Variants in PPARGC1A observed in about 807,000 individuals in gnomAD.
The protein encoded by PPARGC1A is peroxisome proliferator-activated receptor gamma coactivator 1-alpha.
PPARGC1A carries 25 observed loss-of-function variants against 88.7 expected under a neutral mutation model. The observed-to-expected ratio is 0.28, with a 90% CI of 0.21 to 0.39. The LOEUF (loss-of-function observed/expected upper bound fraction) is 0.39, where lower values mean the gene tolerates loss of function less well. PPARGC1A is among the 10% of genes least tolerant of loss of function. The probability of loss-of-function intolerance (pLI) is 1.00; values close to 1 mark genes in which losing one functional copy is unlikely to be tolerated. For missense variants in PPARGC1A, 880 were observed against 968.7 expected (o/e 0.91, Z 1.22); for synonymous variants, 363 against 355.6 (o/e 1.02, Z -0.24).
upstream of PPARGC1A, among the ~76,000 whole-genome samples, chr4:23,902,672 T>C (rs1306310352): frequency 6.6e-6 from 1 of 152,078 alleles, no homozygotes; most frequent in East Asian, 1.9e-4. Flanking sequence ...CTGAGATATA[T>C]ACAAGGATGC....
intron 10 of PPARGC1A, among the ~76,000 whole-genome samples, chr4:23,805,066 T>C (rs1351056787): frequency 6.6e-6 from 1 of 152,224 alleles, no homozygotes; most frequent in Admixed American, 6.5e-5. Flanking sequence ...TAACAGACTA[T>C]CAATGAATAT....
the PPARGC1A span, among the ~76,000 whole-genome samples, chr4:24,393,623 A>G: frequency 6.6e-6 from 1 of 152,194 alleles, no homozygotes; most frequent in African/African-American, 2.4e-5. Context: ...GGCACTTAGG[A>G]TTAAGGAACA....
the PPARGC1A span, among the ~76,000 whole-genome samples, chr4:24,291,653 A>T: frequency 6.6e-6 from 1 of 152,214 alleles, no homozygotes; most frequent in African/African-American, 2.4e-5. Flanking sequence ...TTCCATCCGA[A>T]GTCCTGCTGA....
chr4:24,450,544 G>C, the PPARGC1A span, among the ~76,000 whole-genome samples: 1 of 152,098 alleles, frequency 6.6e-6, no homozygotes, highest in Non-Finnish European at 1.5e-5. Flanking sequence ...ACACAAAGCT[G>C]CCTAGGAAAA....
At chr4:24,273,726 T>G in the PPARGC1A span, among the ~76,000 whole-genome samples, 1 of 13,848 alleles carries the variant, frequency 7.2e-5, no homozygotes, top group Admixed American at 4.5e-4. Flanking sequence ...CTTGGGGCAC[T>G]TTTTTTTTTT....
chr4:23,914,673 G>T, the PPARGC1A span, among the ~76,000 whole-genome samples: 1 of 151,818 alleles, frequency 6.6e-6, no homozygotes, highest in African/African-American at 2.4e-5. Context: ...CTTCAAAATT[G>T]TATTTAAAAA....
the PPARGC1A span, among the ~76,000 whole-genome samples, chr4:24,364,721 A>T: frequency 6.6e-6 from 1 of 152,300 alleles, no homozygotes; most frequent in African/African-American, 2.4e-5. Flanking sequence ...ATACATATGT[A>T]TTTGTGTATA....
chr4:24,392,110 G>A, the PPARGC1A span, among the ~76,000 whole-genome samples: 8 of 152,016 alleles, frequency 5.3e-5, no homozygotes, highest in South Asian at 2.1e-4. Context: ...ATTGTCATTC[G>A]CTTTTTTCCT....
At chr4:23,912,715 G>A in the PPARGC1A span, among the ~76,000 whole-genome samples, 1 of 151,858 alleles carries the variant, frequency 6.6e-6, no homozygotes, top group African/African-American at 2.4e-5. Flanking sequence ...AGACTGCAGT[G>A]TCAACTCTTA....
At chr4:24,361,306 C>T in the PPARGC1A span, among the ~76,000 whole-genome samples, 9 of 152,200 alleles carry the variant, frequency 5.9e-5, no homozygotes, top group Admixed American at 5.9e-4. Context: ...TGATAAAGCA[C>T]ATCACAGATT....
the PPARGC1A span, among the ~76,000 whole-genome samples, chr4:24,066,360 C>G: frequency 6.6e-6 from 1 of 152,052 alleles, no homozygotes; most frequent in Non-Finnish European, 1.5e-5. Flanking sequence ...AAAGTTAATA[C>G]TAATATTGAA....
At chr4:23,896,639 C>T (rs911079692) in intron 1 of PPARGC1A, among the ~76,000 whole-genome samples, 3 of 152,138 alleles carry the variant, frequency 2.0e-5, no homozygotes, top group African/African-American at 7.2e-5. Context: ...ACCATCTTCC[C>T]TTTGTTTCTC....
At chr4:24,189,862 T>C in the PPARGC1A span, among the ~76,000 whole-genome samples, 1 of 152,050 alleles carries the variant, frequency 6.6e-6, no homozygotes, top group African/African-American at 2.4e-5. Context: ...CACCAAAGAA[T>C]TCCACCCAGC....
the PPARGC1A span, among the ~76,000 whole-genome samples, chr4:23,910,189 A>T: frequency 9.8e-4 from 102 of 104,182 alleles, no homozygotes; most frequent in African/African-American, 3.0e-3. Context: ...AATATATATA[A>T]AATATATAAA....
the PPARGC1A span, among the ~76,000 whole-genome samples, chr4:24,251,801 G>A: frequency 2.1e-3 from 326 of 152,216 alleles, no homozygotes; most frequent in African/African-American, 7.5e-3. Context: ...ATTAAGCCAC[G>A]CAGTACCACT....
the PPARGC1A span, among the ~76,000 whole-genome samples, chr4:23,954,809 C>T: frequency 2.0e-5 from 3 of 151,890 alleles, no homozygotes; most frequent in Non-Finnish European, 4.4e-5. Flanking sequence ...TAAGGCTGTA[C>T]CAAGAAGATA....
intron 1 of PPARGC1A, among the ~76,000 whole-genome samples, chr4:23,897,778 C>T (rs1038667711): frequency 6.6e-6 from 1 of 152,196 alleles, no homozygotes; most frequent in Non-Finnish European, 1.5e-5. Context: ...GGTATTGGCT[C>T]TGAGAAGATC....
At chr4:23,933,601 C>T in the PPARGC1A span, among the ~76,000 whole-genome samples, 2 of 152,152 alleles carry the variant, frequency 1.3e-5, no homozygotes, top group African/African-American at 4.8e-5. Context: ...AGCCTACTGG[C>T]CCAGCAAACT....
the PPARGC1A span, among the ~76,000 whole-genome samples, chr4:24,245,197 G>C: frequency 6.6e-6 from 1 of 152,198 alleles, no homozygotes; most frequent in African/African-American, 2.4e-5. Flanking sequence ...TCCCCATTTA[G>C]AAACAGGTAG....
Sources: gnomAD v4.1 joint callset for allele counts (sites outside exome capture counted in the v4.1 genomes callset) on GRCh38, gnomAD v4.1.1 for gene constraint, MANE v1.5 for transcripts, NCBI Gene and HGNC (gene_info 2026-07-23, HGNC 2026-07-21) for gene names.